The following ZNF385B variants were observed in gnomAD, a reference collection of about 807,000 sequenced individuals.
The protein encoded by ZNF385B is zinc finger protein 385B, also known as zinc finger protein 533.
In ZNF385B, 23 loss-of-function variants were observed where a neutral mutation model predicts 39.2. The ratio of observed to expected loss-of-function variants is 0.59; its 90% confidence interval spans 0.42 to 0.83. The LOEUF (loss-of-function observed/expected upper bound fraction) is 0.83, where lower values mean the gene tolerates loss of function less well. Among genes scored for constraint, ZNF385B ranks in the 40% least tolerant of loss-of-function variants. ZNF385B has a pLI of 0.00. For missense variants in ZNF385B, 552 were observed against 598.9 expected (o/e 0.92, Z 0.82); for synonymous variants, 205 against 222.6 (o/e 0.92, Z 0.70).
chr2:179,793,536 CCTTT>C (rs1705471280), intron 1 of ZNF385B, among the ~76,000 whole-genome samples: 1 of 152,166 alleles, frequency 6.6e-6, no homozygotes, highest in Admixed American at 6.5e-5. Context: ...AGGCTCTTCC[CCTTT>C]TACTTCCCAC....
chr2:179,648,182 G>A (rs1692897555), intron 3 of ZNF385B, among the ~76,000 whole-genome samples: 1 of 152,106 alleles, frequency 6.6e-6, no homozygotes, highest in African/African-American at 2.4e-5. Flanking sequence ...ACTTCCACAT[G>A]GGGGTAGAAG....
At chr2:179,457,306 T>C (rs903844094) in intron 6 of ZNF385B, among the ~76,000 whole-genome samples, 8 of 152,194 alleles carry the variant, frequency 5.3e-5, no homozygotes, top group African/African-American at 1.4e-4. Flanking sequence ...ATGTTTTCAG[T>C]TTTTGGCCAT....
At chr2:179,848,614 G>A (rs978071251) in intron 1 of ZNF385B, among the ~76,000 whole-genome samples, 1 of 152,184 alleles carries the variant, frequency 6.6e-6, no homozygotes. Context: ...GTGATATTAA[G>A]ATATACGACC....
At chr2:179,723,021 A>G (rs1700789110) in intron 3 of ZNF385B, among the ~76,000 whole-genome samples, 1 of 152,136 alleles carries the variant, frequency 6.6e-6, no homozygotes, top group African/African-American at 2.4e-5. Context: ...TTTCACAACC[A>G]CCAGATTGTC....
intron 1 of ZNF385B, among the ~76,000 whole-genome samples, chr2:179,837,538 T>A (rs1020126784): frequency 6.6e-5 from 10 of 152,210 alleles, no homozygotes; most frequent in Non-Finnish European, 1.2e-4. Flanking sequence ...AAGACCAACA[T>A]GGCCAAGGTC....
chr2:179,572,693 G>A lies in ZNF385B; in HGVS notation c.299-27724C>T, dbSNP rs193007138. Among the ~76,000 whole-genome samples the A allele has an allele frequency of 2.6e-3, 394 of 152,224 alleles. 4 individuals carry two copies. The highest frequency in any genetic ancestry group is 0.016 in the Admixed American group (252 of 15,282). ...AGAACACAGAACGAGAGGTCAGTTT[G>A]GAGGGAAATGTCATTTCTAAGCTTT... is the stretch of plus-strand genomic sequence containing the variant. On this transcript the variant is annotated intron_variant, in intron 3 of 9. Transcript: ENST00000410066.
At chr2:179,860,223 G>C (rs1314066850) in intron 1 of ZNF385B, among the ~76,000 whole-genome samples, 1 of 152,128 alleles carries the variant, frequency 6.6e-6, no homozygotes, top group Non-Finnish European at 1.5e-5. Flanking sequence ...CCCAACCCAA[G>C]AACTTTTGAG....
chr2:179,693,640 G>A (rs1056050006), intron 3 of ZNF385B, among the ~76,000 whole-genome samples: 5 of 152,142 alleles, frequency 3.3e-5, no homozygotes, highest in Admixed American at 2.0e-4. Flanking sequence ...TCCTGCTCCA[G>A]AGAGCTGTTC....
At chr2:179,778,071 C>T (rs1052286398) in intron 1 of ZNF385B, among the ~76,000 whole-genome samples, 1 of 152,068 alleles carries the variant, frequency 6.6e-6, no homozygotes, top group South Asian at 2.1e-4. Flanking sequence ...GGGCTTTATT[C>T]TTAGTCAAAT....
intron 3 of ZNF385B, chr2:179,660,316 C>T (rs1164628618): frequency 6.6e-6 from 1 of 152,096 alleles, no homozygotes; most frequent in Non-Finnish European, 1.5e-5. Context: ...TAGATGTTGC[C>T]TCCTCAGTCT....
intron 3 of ZNF385B, among the ~76,000 whole-genome samples, chr2:179,596,537 G>C (rs977904057): frequency 6.6e-6 from 1 of 152,072 alleles, no homozygotes; most frequent in African/African-American, 2.4e-5. Context: ...TCTATCGTTG[G>C]CTTCTGTTGA....
intron 1 of ZNF385B, among the ~76,000 whole-genome samples, chr2:179,846,512 G>A (rs1209031654): frequency 1.3e-5 from 2 of 152,126 alleles, no homozygotes; most frequent in Non-Finnish European, 2.9e-5. Flanking sequence ...TTACCTGCGT[G>A]GAAAATAAAG....
chr2:179,727,970 C>A (rs1701126650), intron 3 of ZNF385B, among the ~76,000 whole-genome samples: 1 of 151,948 alleles, frequency 6.6e-6, no homozygotes, highest in Non-Finnish European at 1.5e-5. Context: ...TAATAACAAA[C>A]AATATGGGCA....
intron 3 of ZNF385B, among the ~76,000 whole-genome samples, chr2:179,547,018 T>C (rs2060279125): frequency 6.7e-6 from 1 of 150,024 alleles, no homozygotes; most frequent in Non-Finnish European, 1.5e-5. Flanking sequence ...TTGCCATTTG[T>C]ATGTCTTCTT....
Position 179,605,748 on chromosome 2 carries a change from C to T in ZNF385B, c.299-60779G>A, listed in dbSNP as rs552096954. Among the ~76,000 whole-genome samples, 4 of 152,246 alleles carry T rather than the reference C, an allele frequency of 2.6e-5. No individual in the cohort carries two copies. In the South Asian group the frequency reaches 8.3e-4, roughly 32 times the overall value. ...TTACAGAGAGGTCAAATGCCCATTA[C>T]TAATTCATGTCCTTAAGTATGGTAT... is the stretch of plus-strand genomic sequence containing the variant. On this transcript the variant is annotated intron_variant, in intron 3 of 9. Transcript: ENST00000410066.
rs570429325 is a variant in ZNF385B, at chr2:179,451,268, AAAGAAAATGAGTGGG to A, written c.716-4513_716-4499del. 3.2e-4 allele frequency among the ~76,000 whole-genome samples: 47 copies of A among 147,052 alleles called. No homozygotes were observed. The South Asian group carries it at 5.6e-3, about 17-fold the overall frequency. On this transcript the variant is annotated intron_variant, in intron 6 of 9. Transcript: ENST00000410066. ...AGTATAATTAAAAAAAAAAAAAAAG[AAAGAAAATGAGTGGG>A]AAGAAAATGAGTGGGAAGTGAATGG... is the stretch of plus-strand genomic sequence containing the variant.
At chr2:179,838,255 A>G (rs1367097881) in intron 1 of ZNF385B, among the ~76,000 whole-genome samples, 1 of 152,236 alleles carries the variant, frequency 6.6e-6, no homozygotes, top group Non-Finnish European at 1.5e-5. Context: ...ACTAAAAGAA[A>G]CCACAGTCTG....
At chr2:179,633,086 A>T (rs1383910951) in intron 3 of ZNF385B, among the ~76,000 whole-genome samples, 1 of 152,242 alleles carries the variant, frequency 6.6e-6, no homozygotes, top group East Asian at 1.9e-4. Flanking sequence ...AAAAATGTCC[A>T]GGACCAGACA....
chr2:179,614,761 G>A (rs1313440776), intron 3 of ZNF385B, among the ~76,000 whole-genome samples: 3 of 152,212 alleles, frequency 2.0e-5, no homozygotes, highest in African/African-American at 7.2e-5. Context: ...AAAGAGAAGT[G>A]TGAAGTATGC....
Sources: gnomAD v4.1 joint callset for allele counts (sites outside exome capture counted in the v4.1 genomes callset) on GRCh38, gnomAD v4.1.1 for gene constraint, MANE v1.5 for transcripts, NCBI Gene and HGNC (gene_info 2026-07-23, HGNC 2026-07-21) for gene names.